TASP1: variants seen among roughly 807,000 people sequenced by gnomAD.
TASP1 encodes the protein threonine aspartase 1.
In TASP1, 16 loss-of-function variants were observed where a neutral mutation model predicts 56.6. The observed-to-expected ratio is 0.28, with a 90% confidence interval of 0.19 to 0.43. TASP1 has a LOEUF of 0.43. Among genes scored for constraint, TASP1 ranks in the 20% least tolerant of loss-of-function variants. The pLI, the probability that TASP1 is intolerant of heterozygous loss-of-function variation, is 1.00. For missense variants in TASP1, 393 were observed against 511.6 expected (o/e 0.77, Z 2.24); for synonymous variants, 179 against 184.2 (o/e 0.97, Z 0.23).
the TASP1 span, chr20:13,126,504 G>T: frequency 6.8e-7 from 1 of 1,463,288 alleles, no homozygotes; most frequent in Non-Finnish European, 9.2e-7. Flanking sequence ...CTTTTGCTAT[G>T]AGGATAGGGA....
At chr20:13,214,580 G>GAC in the TASP1 span, among the ~76,000 whole-genome samples, 1 of 151,818 alleles carries the variant, frequency 6.6e-6, no homozygotes, top group African/African-American at 2.4e-5. Flanking sequence ...GAGAGAGAGA[G>GAC]AGAGAGAGAC....
At chr20:13,199,307 T>A in the TASP1 span, among the ~76,000 whole-genome samples, 1 of 152,076 alleles carries the variant, frequency 6.6e-6, no homozygotes, top group Non-Finnish European at 1.5e-5. Flanking sequence ...ATAACTGGCT[T>A]ATATTTGAAT....
At chr20:13,347,040 G>T in the TASP1 span, among the ~76,000 whole-genome samples, 1 of 152,362 alleles carries the variant, frequency 6.6e-6, no homozygotes, top group South Asian at 2.1e-4. Flanking sequence ...TGTGAAAAGT[G>T]TTGATATGGT....
intron 6 of TASP1, among the ~76,000 whole-genome samples, chr20:13,580,028 G>A (rs1444813662): frequency 6.6e-6 from 1 of 152,166 alleles, no homozygotes; most frequent in African/African-American, 2.4e-5. Flanking sequence ...AGTGTGACAA[G>A]GTATTAAAGC....
intron 10 of TASP1, among the ~76,000 whole-genome samples, chr20:13,502,529 T>C (rs2043983176): frequency 6.6e-6 from 1 of 152,102 alleles, no homozygotes; most frequent in African/African-American, 2.4e-5. Flanking sequence ...AATATATTAT[T>C]TGGGGATGCA....
At chr20:13,184,535 CA>C in the TASP1 span, among the ~76,000 whole-genome samples, 5 of 152,262 alleles carry the variant, frequency 3.3e-5, no homozygotes, top group East Asian at 1.9e-4. Flanking sequence ...ATCACAAGCT[CA>C]AGTAGTAGAC....
the TASP1 span, among the ~76,000 whole-genome samples, chr20:13,187,562 A>G: frequency 6.6e-6 from 1 of 151,942 alleles, no homozygotes; most frequent in South Asian, 2.1e-4. Context: ...ATCCTGGCCA[A>G]TATGATAAAA....
At chr20:13,216,811 A>G in the TASP1 span, among the ~76,000 whole-genome samples, 7 of 152,164 alleles carry the variant, frequency 4.6e-5, no homozygotes, top group Non-Finnish European at 2.9e-5. Flanking sequence ...CTCTAAGGTT[A>G]CCCTGGGCAA....
the TASP1 span, chr20:13,117,682 C>G: frequency 6.2e-7 from 1 of 1,613,574 alleles, no homozygotes; most frequent in Non-Finnish European, 8.5e-7. Flanking sequence ...GGCACATTCA[C>G]CAAAAGTTTT....
chr20:13,252,682 G>A, the TASP1 span, among the ~76,000 whole-genome samples: 1 of 152,158 alleles, frequency 6.6e-6, no homozygotes, highest in East Asian at 1.9e-4. Flanking sequence ...TTGAACACGG[G>A]AGACAGAGGT....
chr20:13,356,306 T>C, the TASP1 span, among the ~76,000 whole-genome samples: 1 of 152,210 alleles, frequency 6.6e-6, no homozygotes, highest in African/African-American at 2.4e-5. Flanking sequence ...CAATGAACAA[T>C]AGGAGCAATT....
At chr20:13,151,030 GTC>G in the TASP1 span, among the ~76,000 whole-genome samples, 1 of 152,056 alleles carries the variant, frequency 6.6e-6, no homozygotes, top group Non-Finnish European at 1.5e-5. Context: ...TTTTATTAAT[GTC>G]TGTTTCTCTC....
At chr20:13,201,462 AT>A in the TASP1 span, among the ~76,000 whole-genome samples, 3 of 152,118 alleles carry the variant, frequency 2.0e-5, no homozygotes, top group Non-Finnish European at 4.4e-5. Context: ...GCCATTTTGC[AT>A]TATGCCTATC....
In TASP1 at chr20:13,472,352, T is replaced by G. The variant is rs537817289; in HGVS notation, c.985+10875A>C. ...ATTAATTTGAGATGGATTAAAGACTTAAATGTTAGACCTGAAACCATAAAA... is the reference window on the plus strand; with the variant it reads ...ATTAATTTGAGATGGATTAAAGACTGAAATGTTAGACCTGAAACCATAAAA... On this transcript the variant is annotated intron_variant, in intron 11 of 13. Coordinates refer to ENST00000337743, the MANE Select transcript of TASP1 (RefSeq NM_017714.3). Among the ~76,000 whole-genome samples the G allele has an allele frequency of 1.2e-3, 178 of 151,154 alleles. 5 individuals are homozygous for G. Among genetic ancestry groups the G allele is most frequent in the Middle Eastern group, 3.4e-3 (1 of 290 alleles).
At chr20:13,204,545 A>G in the TASP1 span, among the ~76,000 whole-genome samples, 1 of 150,596 alleles carries the variant, frequency 6.6e-6, no homozygotes, top group Non-Finnish European at 1.5e-5. Context: ...ATATATATAT[A>G]TGTATATTTT....
chr20:13,252,765 A>C, the TASP1 span, among the ~76,000 whole-genome samples: 1 of 152,064 alleles, frequency 6.6e-6, no homozygotes, highest in Non-Finnish European at 1.5e-5. Context: ...CAAAAAAAAA[A>C]AGAGGAGCCA....
At chr20:13,413,038 T>C (rs747623175) in intron 13 of TASP1, among the ~76,000 whole-genome samples, 1 of 151,618 alleles carries the variant, frequency 6.6e-6, no homozygotes, top group African/African-American at 2.4e-5. Flanking sequence ...GTGCATGGAG[T>C]GGGAGGGCAA....
At chr20:13,233,083 G>A in the TASP1 span, among the ~76,000 whole-genome samples, 6 of 151,430 alleles carry the variant, frequency 4.0e-5, no homozygotes, top group South Asian at 2.1e-4. Context: ...TACTTCTCCC[G>A]TGTCCTGCTG....
chr20:13,560,002 AG>A (rs1288391808), intron 7 of TASP1, among the ~76,000 whole-genome samples: 1 of 152,244 alleles, frequency 6.6e-6, no homozygotes, highest in Non-Finnish European at 1.5e-5. Flanking sequence ...GAGAAAGAAA[AG>A]AAAGACATCA....
Sources: allele counts gnomAD v4.1 joint callset (sites outside exome capture counted in the v4.1 genomes callset), GRCh38; gene constraint gnomAD v4.1.1; transcripts MANE v1.5; gene names NCBI Gene and HGNC (gene_info 2026-07-23, HGNC 2026-07-21).